TBCD: variants seen among roughly 807,000 people sequenced by gnomAD.
TBCD encodes the protein tubulin-specific chaperone D.
A neutral mutation model predicts 169.3 loss-of-function variants in TBCD; 105 were observed. The ratio of observed to expected loss-of-function variants is 0.62; its 90% CI spans 0.53 to 0.73. TBCD has a LOEUF of 0.73. Ranked by LOEUF, TBCD falls within the 30% of genes least tolerant of loss-of-function variation. The probability of loss-of-function intolerance (pLI) is 0.00; values close to 1 mark genes in which losing one functional copy is unlikely to be tolerated. For missense variants in TBCD, 1,444 were observed against 1,600.1 expected, an observed-to-expected ratio of 0.90 and a Z score of 1.66; for synonymous variants, 700 against 643.9, an observed-to-expected ratio of 1.09 and a Z score of -1.32.
Position 82,831,803 on chromosome 17 carries a change from A to G in TBCD, c.1318+16869A>G, listed in dbSNP as rs776169884. On this transcript the variant is annotated intron_variant, in intron 13 of 38. Transcript: ENST00000355528. The surrounding 1 kb of genome is among the most constrained non-coding windows in gnomAD (Gnocchi z 4.6). ...TTTGTAGATGAGATTTTATGTGGAA[A>G]CTCTGGTGGAAGGAAAGGTGAGCCG... 6.2e-6 allele frequency: 10 copies of G among 1,613,974 alleles called. No homozygotes were observed. Among genetic ancestry groups the G allele is most frequent in the South Asian group, 3.3e-5 (3 of 91,060 alleles).
At chr17:82,829,919 G>C (rs2053324122) in intron 13 of TBCD, 1 of 658,222 alleles carries the variant, frequency 1.5e-6, no homozygotes, top group African/African-American at 1.8e-5. Flanking sequence ...GAGTCATTCA[G>C]GTGTTTTTAC....
At chr17:82,770,599 CAAA>C (rs1351025159) in intron 5 of TBCD, among the ~76,000 whole-genome samples, 8 of 90,330 alleles carry the variant, frequency 8.9e-5, no homozygotes, top group East Asian at 3.2e-4. Flanking sequence ...AACTCCGTCT[CAAA>C]AAAAAAAAAA....
chr17:82,792,239 C>T (rs2049786555), intron 7 of TBCD, among the ~76,000 whole-genome samples: 1 of 150,560 alleles, frequency 6.6e-6, no homozygotes, highest in Admixed American at 6.6e-5. Context: ...ACCCAGGAGG[C>T]AGAGGTTGCA....
chr17:82,808,176 G>A (rs1485142563), intron 11 of TBCD, among the ~76,000 whole-genome samples: 1 of 152,204 alleles, frequency 6.6e-6, no homozygotes, highest in Admixed American at 6.5e-5. Context: ...CACAACAGGT[G>A]GAGCCCTGGC....
intron 13 of TBCD, among the ~76,000 whole-genome samples, chr17:82,822,127 T>A (rs953680679): frequency 3.3e-5 from 5 of 152,216 alleles, no homozygotes; most frequent in Non-Finnish European, 7.3e-5. Context: ...AAAGAAACTG[T>A]CATGTTTTTC....
chr17:82,939,067 G>T, intron 36 of TBCD: 1 of 481,808 alleles, frequency 2.1e-6, no homozygotes, highest in Non-Finnish European at 3.8e-6. Flanking sequence ...GAGAGCAGGC[G>T]AGATTGCTTC....
chr17:82,921,748 G>A (rs1462602845), intron 25 of TBCD, among the ~76,000 whole-genome samples, 171 bp downstream of exon 25: 4 of 152,224 alleles, frequency 2.6e-5, no homozygotes, highest in South Asian at 2.1e-4. Context: ...GCGTCTACAC[G>A]GTTTATAACC....
At position 82,920,574 on chromosome 17, in the gene TBCD, A is replaced by G; in HGVS notation, c.2057A>G (p.Lys686Arg). 1 of 1,547,752 alleles carries G rather than the reference A, an allele frequency of 6.5e-7. No individual in the cohort carries two copies. The highest frequency in any genetic ancestry group is 8.7e-7 in the Non-Finnish European group (1 of 1,146,934). The change falls in exon 24 of 39, where the codon AAG (lysine) becomes AGG (arginine). Residue 686 changes from lysine to arginine, a missense_variant. By Grantham distance (26) the Lys-to-Arg change is conservative. Transcript: ENST00000355528. This position sits in a 1 kb window ranked among gnomAD's most constrained non-coding sequence, Gnocchi z 4.1. ...TTTCCAGTGTGTGTTTTAATAGAAA[A>G]GTTGTCACTTTCCAAAATGCCCTTT... ...MRQAVCVLIE[K>R]LSLSKMPFRG...
chr17:82,769,789 A>T (rs2048209447), intron 5 of TBCD, among the ~76,000 whole-genome samples: 1 of 151,854 alleles, frequency 6.6e-6, no homozygotes, highest in African/African-American at 2.4e-5. Context: ...AGGCAGAAGA[A>T]TCCCTTGAAC....
intron 13 of TBCD, among the ~76,000 whole-genome samples, chr17:82,868,462 C>T (rs2057337997): frequency 1.3e-5 from 2 of 152,184 alleles, no homozygotes; most frequent in Admixed American, 6.5e-5. Flanking sequence ...TCCCTAGCCC[C>T]TCACTCTGGC....
At chr17:82,814,762 G>A in intron 12 of TBCD, 78 bp from the exon 13 acceptor site, 3 of 1,392,408 alleles carry the variant, frequency 2.2e-6, no homozygotes, top group Non-Finnish European at 3.0e-6. Flanking sequence ...CTGCCAGGCT[G>A]TGCTCCTTGC....
At chr17:82,828,350 G>A (rs1274378869) in intron 13 of TBCD, among the ~76,000 whole-genome samples, 2 of 127,520 alleles carry the variant, frequency 1.6e-5, no homozygotes, top group South Asian at 2.5e-4. Context: ...ATATGCGCAC[G>A]TGGACACCCA....
At chr17:82,926,640 C>T in intron 28 of TBCD, 149 bp downstream of exon 28, 4 of 670,076 alleles carry the variant, frequency 6.0e-6, no homozygotes, top group African/African-American at 1.8e-5. Context: ...GTCCCAGCTG[C>T]TGGAGGCTCT....
intron 17 of TBCD, among the ~76,000 whole-genome samples, chr17:82,895,474 A>G (rs985334356): frequency 3.9e-5 from 6 of 152,174 alleles, no homozygotes; most frequent in African/African-American, 1.4e-4. Flanking sequence ...CCTTTGAGCC[A>G]TAGTGAAGAG....
rs933564312 is a variant in TBCD at position 82,782,443 on chromosome 17, C to A, written c.771+722C>A. On this transcript the variant is annotated intron_variant, in intron 7 of 38. Coordinates refer to ENST00000355528, the MANE Select transcript of TBCD (RefSeq NM_005993.5). The surrounding 1 kb of genome is among the most constrained non-coding windows in gnomAD (Gnocchi z 5.1). ...AGCGGGTGAGGCTTTGAGAGCACTT[C>A]TCATCCTTGTCTCACGCTGTGGAGC... Among the ~76,000 whole-genome samples the A allele has an allele frequency of 6.6e-6, 1 of 152,184 alleles. No individual in the cohort carries two copies. The highest frequency in any genetic ancestry group is 2.4e-5 in the African/African-American group (1 of 41,452).
intron 8 of TBCD, among the ~76,000 whole-genome samples, chr17:82,798,195 G>A (rs987438358): frequency 6.7e-6 from 1 of 148,352 alleles, no homozygotes; most frequent in African/African-American, 2.5e-5. Flanking sequence ...CGCCCAGGCT[G>A]GAGTGCAGTG....
chr17:82,909,598 G>C (rs2060482782), intron 22 of TBCD, among the ~76,000 whole-genome samples: 1 of 150,826 alleles, frequency 6.6e-6, no homozygotes, highest in Non-Finnish European at 1.5e-5. Context: ...GGAGGCGCAT[G>C]AGGGTCTGAC....
intron 23 of TBCD, among the ~76,000 whole-genome samples, chr17:82,919,937 C>A (rs2061314153): frequency 6.6e-6 from 1 of 152,168 alleles, no homozygotes; most frequent in African/African-American, 2.4e-5. Context: ...ATACCATGAA[C>A]AAGTGTGCAG....
intron 37 of TBCD, among the ~76,000 whole-genome samples, chr17:82,939,987 C>T (rs139338429): frequency 0.016 from 2,513 of 152,320 alleles, 37 homozygotes; most frequent in Non-Finnish European, 0.024. Context: ...TTGGCAGGCA[C>T]AGTTTCTGCA....
Sources: allele counts gnomAD v4.1 joint callset (sites outside exome capture counted in the v4.1 genomes callset), GRCh38; gene constraint gnomAD v4.1.1; non-coding constraint Gnocchi (gnomAD v3.1); transcripts MANE v1.5; gene names NCBI Gene and HGNC (gene_info 2026-07-23, HGNC 2026-07-21).